The following RBMS1 variants were observed in gnomAD, a reference collection of about 807,000 sequenced individuals.
RBMS1 encodes RNA-binding motif, single-stranded-interacting protein 1.
RBMS1 carries 17 observed loss-of-function variants against 62.3 expected under a neutral mutation model. The observed-to-expected ratio is 0.27, with a 90% confidence interval of 0.19 to 0.41. The LOEUF is 0.41. Ranked by LOEUF, RBMS1 falls within the 10% of genes least tolerant of loss-of-function variation. RBMS1 has a pLI of 1.00. For synonymous variants in RBMS1, 172 were observed against 170.0 expected (o/e 1.01, Z -0.09); for missense variants, 334 against 504.5 (o/e 0.66, Z 3.24).
At chr2:160,398,187 A>T (rs906741382) in intron 1 of RBMS1, among the ~76,000 whole-genome samples, 1 of 152,184 alleles carries the variant, frequency 6.6e-6, no homozygotes, top group Non-Finnish European at 1.5e-5. Flanking sequence ...TTCCCCCAGA[A>T]ACTCTTATTT....
intron 1 of RBMS1, among the ~76,000 whole-genome samples, chr2:160,459,162 T>C (rs1684366330): frequency 6.6e-6 from 1 of 152,242 alleles, no homozygotes; most frequent in South Asian, 2.1e-4. Context: ...CGTTAATAGA[T>C]GGTTTTCATT....
At chr2:160,454,642 A>T (rs1684141493) in intron 1 of RBMS1, among the ~76,000 whole-genome samples, 1 of 152,204 alleles carries the variant, frequency 6.6e-6, no homozygotes, top group Admixed American at 6.5e-5. Context: ...GAAGGCCAGC[A>T]TGCCTGGAAC....
intron 1 of RBMS1, among the ~76,000 whole-genome samples, chr2:160,491,913 A>G (rs564621971): frequency 6.6e-6 from 1 of 152,160 alleles, no homozygotes; most frequent in African/African-American, 2.4e-5. Flanking sequence ...TGGTGACCCA[A>G]AGTAAAGTGG....
chr2:160,407,636 G>C, intron 1 of RBMS1: 7 of 982,044 alleles, frequency 7.1e-6, no homozygotes, highest in Non-Finnish European at 8.4e-6. Context: ...CCGGGGCCGC[G>C]GCAGCTCTGG....
intron 2 of RBMS1, among the ~76,000 whole-genome samples, chr2:160,364,924 G>C (rs926881535): frequency 6.6e-6 from 1 of 152,090 alleles, no homozygotes; most frequent in African/African-American, 2.4e-5. Context: ...TTAGTTCTAA[G>C]TATTTCTTTT....
intron 1 of RBMS1, among the ~76,000 whole-genome samples, chr2:160,479,613 G>A (rs1685282479): frequency 1.3e-5 from 2 of 152,168 alleles, no homozygotes; most frequent in Admixed American, 1.3e-4. Flanking sequence ...GACCAGTCCT[G>A]TGAGGTTATG....
chr2:160,359,115 C>G (rs185369041), intron 2 of RBMS1, among the ~76,000 whole-genome samples: 6 of 152,270 alleles, frequency 3.9e-5, no homozygotes, highest in South Asian at 2.1e-4. Flanking sequence ...CCATCACCAG[C>G]AGTAAGACAG....
intron 1 of RBMS1, among the ~76,000 whole-genome samples, chr2:160,452,203 A>G (rs1037132428): frequency 6.6e-5 from 10 of 151,018 alleles, no homozygotes; most frequent in African/African-American, 1.7e-4. Context: ...GAGGAGATGG[A>G]AAAAAAAAGA....
At chr2:160,441,857 T>G (rs773292627) in intron 1 of RBMS1, among the ~76,000 whole-genome samples, 5 of 152,242 alleles carry the variant, frequency 3.3e-5, no homozygotes, top group African/African-American at 7.2e-5. Context: ...TCTATTCTAG[T>G]GAATGTGAAA....
intron 1 of RBMS1, among the ~76,000 whole-genome samples, chr2:160,444,263 T>C (rs1158206121): frequency 6.6e-6 from 1 of 152,190 alleles, no homozygotes. Context: ...CTATCAAGAT[T>C]CATGGAGAAA....
In RBMS1 at chr2:160,295,844, T is replaced by G. The variant is rs141291946; in HGVS notation, c.640+4807A>C. Among the ~76,000 whole-genome samples, 3 of 152,352 alleles carry G rather than the reference T, an allele frequency of 2.0e-5. No individual in the cohort carries two copies. The East Asian group carries it at 5.8e-4, about 29-fold the overall frequency. ...CAAACCATTCCTTCAACAGGGAAGA[T>G]CTTATCTTAGACTGATACACCATCA... On this transcript the variant is annotated intron_variant, in intron 6 of 13. Coordinates refer to ENST00000348849, the MANE Select transcript of RBMS1 (RefSeq NM_016836.4).
At chr2:160,360,807 C>T (rs1404984744) in intron 2 of RBMS1, among the ~76,000 whole-genome samples, 4 of 152,192 alleles carry the variant, frequency 2.6e-5, no homozygotes, top group Non-Finnish European at 4.4e-5. Flanking sequence ...CAGTACACCA[C>T]ATTGATGATA....
chr2:160,408,577 T>C (rs1380230537), intron 1 of RBMS1: 1 of 152,210 alleles, frequency 6.6e-6, no homozygotes, highest in African/African-American at 2.4e-5. Context: ...GGTAAACCTT[T>C]CTCCCTAAAA....
chr2:160,458,317 T>C (rs553710714), intron 1 of RBMS1, among the ~76,000 whole-genome samples: 2 of 152,302 alleles, frequency 1.3e-5, no homozygotes, highest in South Asian at 4.1e-4. Context: ...CGGAAACTAT[T>C]TTCAATGTCA....
intron 1 of RBMS1, among the ~76,000 whole-genome samples, chr2:160,430,535 T>A (rs941253227): frequency 2.6e-5 from 4 of 152,228 alleles, no homozygotes; most frequent in African/African-American, 9.6e-5. Context: ...CTACTTTTTA[T>A]CTTATGTAGT....
intron 1 of RBMS1, among the ~76,000 whole-genome samples, chr2:160,484,139 TG>T (rs1384652180): frequency 1.3e-5 from 2 of 151,568 alleles, no homozygotes; most frequent in African/African-American, 4.8e-5. Context: ...CTCCCCACCC[TG>T]GGTAAGATTC....
intron 2 of RBMS1, among the ~76,000 whole-genome samples, chr2:160,363,336 T>C (rs1255425193): frequency 6.6e-6 from 1 of 152,152 alleles, no homozygotes; most frequent in African/African-American, 2.4e-5. Flanking sequence ...CAGAACTATA[T>C]GGAAATAAGA....
chr2:160,307,048 C>CTA (rs1689568194), intron 4 of RBMS1, among the ~76,000 whole-genome samples: 1 of 151,844 alleles, frequency 6.6e-6, no homozygotes, highest in Admixed American at 6.6e-5. Flanking sequence ...CATTGGCCGT[C>CTA]AGAGTGATAA....
intron 6 of RBMS1, among the ~76,000 whole-genome samples, chr2:160,287,350 T>C (rs921153792): frequency 6.6e-6 from 1 of 152,046 alleles, no homozygotes; most frequent in Non-Finnish European, 1.5e-5. Context: ...CACTTAAGAG[T>C]AGACACATTT....
Sources: allele counts gnomAD v4.1 joint callset (sites outside exome capture counted in the v4.1 genomes callset), GRCh38; gene constraint gnomAD v4.1.1; transcripts MANE v1.5; gene names NCBI Gene and HGNC (gene_info 2026-07-23, HGNC 2026-07-21).